CAST: variants seen among roughly 807,000 people sequenced by gnomAD.
CAST encodes the protein MIR583 host.
In CAST, 76 loss-of-function variants were observed where a neutral mutation model predicts 119.6. The observed-to-expected ratio is 0.64, with a 90% CI of 0.53 to 0.77. CAST has a LOEUF of 0.77. CAST is among the 30% of genes least tolerant of loss of function. The pLI is 0.00. For synonymous variants in CAST, 319 were observed against 331.6 expected (o/e 0.96, Z 0.41); for missense variants, 953 against 946.5 (o/e 1.01, Z -0.09).
chr5:96,618,203 T>C (rs976660084), intron 1 of CAST, among the ~76,000 whole-genome samples: 5 of 152,192 alleles, frequency 3.3e-5, no homozygotes, highest in African/African-American at 1.2e-4. Context: ...CTTAGGATAT[T>C]CTTGAGAGTC....
the CAST span, among the ~76,000 whole-genome samples, chr5:96,238,862 A>G: frequency 6.6e-6 from 1 of 152,212 alleles, no homozygotes; most frequent in Admixed American, 6.5e-5. Flanking sequence ...GAAACCAACA[A>G]TATGTTGGAT....
At chr5:96,535,784 A>G (rs1042965553) in intron 1 of CAST, among the ~76,000 whole-genome samples, 2 of 150,966 alleles carry the variant, frequency 1.3e-5, no homozygotes, top group African/African-American at 4.8e-5. Context: ...CGTGTTAGCC[A>G]GGTTGGTCTC....
the CAST span, chr5:96,408,123 C>T: frequency 1.9e-5 from 16 of 832,060 alleles, no homozygotes; most frequent in Middle Eastern, 2.2e-4. Context: ...TGCAGTATTC[C>T]AAAATTTCTC....
chr5:96,035,603 G>T, the CAST span, among the ~76,000 whole-genome samples: 1 of 152,108 alleles, frequency 6.6e-6, no homozygotes, highest in East Asian at 1.9e-4. Context: ...GTAATATGGG[G>T]AGTGTAAAGA....
At chr5:96,691,977 C>T (rs924384474) in intron 2 of CAST, among the ~76,000 whole-genome samples, 5 of 152,136 alleles carry the variant, frequency 3.3e-5, no homozygotes, top group African/African-American at 1.2e-4. Flanking sequence ...GACTCGAGTT[C>T]TGATTGACTC....
the CAST span, among the ~76,000 whole-genome samples, chr5:96,197,438 A>G: frequency 2.6e-5 from 4 of 152,184 alleles, no homozygotes; most frequent in Admixed American, 6.5e-5. Context: ...CAAATTTTAA[A>G]AACTGTAGAA....
At chr5:96,752,863 A>G (rs1015126633) in intron 20 of CAST, among the ~76,000 whole-genome samples, 3 of 151,978 alleles carry the variant, frequency 2.0e-5, no homozygotes, top group Admixed American at 6.6e-5. Context: ...ACCAAGACCA[A>G]CAGTGGGAAA....
At chr5:96,680,929 A>G (rs1324247360) in intron 2 of CAST, among the ~76,000 whole-genome samples, 1 of 152,252 alleles carries the variant, frequency 6.6e-6, no homozygotes, top group Non-Finnish European at 1.5e-5. Flanking sequence ...CAGTGCCAAG[A>G]AAAGCTAAGC....
upstream of CAST, among the ~76,000 whole-genome samples, chr5:96,521,270 G>A (rs1213144274): frequency 6.6e-6 from 1 of 152,094 alleles, no homozygotes; most frequent in South Asian, 2.1e-4. Context: ...CCTTCAAAGA[G>A]TCACCACTAG....
chr5:96,463,749 CATCT>C, the CAST span, among the ~76,000 whole-genome samples: 3 of 152,026 alleles, frequency 2.0e-5, no homozygotes, highest in African/African-American at 4.8e-5. Flanking sequence ...CACCCCCTTC[CATCT>C]GTCTCTGCTT....
At chr5:96,312,162 T>A in the CAST span, among the ~76,000 whole-genome samples, 3 of 152,124 alleles carry the variant, frequency 2.0e-5, no homozygotes, top group Non-Finnish European at 4.4e-5. Flanking sequence ...TGATAACAAC[T>A]CAAATTTGAT....
the CAST span, among the ~76,000 whole-genome samples, chr5:96,380,574 T>G: frequency 6.6e-6 from 1 of 152,166 alleles, no homozygotes; most frequent in East Asian, 1.9e-4. Context: ...AAAAAATTCT[T>G]GAAAATGAAT....
At chr5:96,058,492 C>T in the CAST span, among the ~76,000 whole-genome samples, 2 of 151,684 alleles carry the variant, frequency 1.3e-5, no homozygotes, top group Non-Finnish European at 3.0e-5. Context: ...AAATCTCCTT[C>T]AGAATCAGTT....
intron 16 of CAST, among the ~76,000 whole-genome samples, chr5:96,744,772 C>G (rs542913846): frequency 6.6e-6 from 1 of 152,078 alleles, no homozygotes; most frequent in Non-Finnish European, 1.5e-5. Context: ...CACTGCCACC[C>G]CAGCATACCC....
the CAST span, among the ~76,000 whole-genome samples, chr5:96,076,177 CTG>C: frequency 3.3e-5 from 5 of 152,190 alleles, no homozygotes; most frequent in African/African-American, 9.6e-5. Flanking sequence ...ATTTTGGACT[CTG>C]AGCCTGAGAA....
At chr5:96,214,268 A>T in the CAST span, among the ~76,000 whole-genome samples, 1 of 152,222 alleles carries the variant, frequency 6.6e-6, no homozygotes, top group Non-Finnish European at 1.5e-5. Flanking sequence ...CATGATGGCA[A>T]TCTATTTATA....
chr5:96,542,387 T>G (rs1745930539), intron 1 of CAST, among the ~76,000 whole-genome samples: 1 of 152,224 alleles, frequency 6.6e-6, no homozygotes, highest in African/African-American at 2.4e-5. Context: ...CTTTACCATT[T>G]TGCATTCCAC....
the CAST span, chr5:95,986,214 C>T: frequency 6.6e-5 from 10 of 152,194 alleles, no homozygotes; most frequent in African/African-American, 2.4e-4. Flanking sequence ...GCTGTTACTT[C>T]TAAAGGCAGA....
chr5:96,078,838 G>A, the CAST span, among the ~76,000 whole-genome samples: 1 of 152,150 alleles, frequency 6.6e-6, no homozygotes, highest in Non-Finnish European at 1.5e-5. Context: ...CACAGGAACA[G>A]AAAACCAAGT....
Sources: gnomAD v4.1 joint callset for allele counts (sites outside exome capture counted in the v4.1 genomes callset) on GRCh38, gnomAD v4.1.1 for gene constraint, MANE v1.5 for transcripts, NCBI Gene and HGNC (gene_info 2026-07-23, HGNC 2026-07-21) for gene names.